The following FHAD1 variants were observed in gnomAD, a reference collection of about 807,000 sequenced individuals.
The protein encoded by FHAD1 is forkhead associated phosphopeptide binding domain 1, also known as forkhead-associated domain-containing protein 1.
In FHAD1, 146 loss-of-function variants were observed where a neutral mutation model predicts 191.3. The ratio of observed to expected loss-of-function variants is 0.76; its 90% CI spans 0.67 to 0.88. The LOEUF is 0.88. FHAD1 is among the 40% of genes least tolerant of loss of function. FHAD1 has a pLI of 0.00. For missense variants in FHAD1, 1,635 were observed against 1,785.8 expected, an observed-to-expected ratio of 0.92 and a Z score of 1.52; for synonymous variants, 616 against 672.3, an observed-to-expected ratio of 0.92 and a Z score of 1.29.
downstream of FHAD1, among the ~76,000 whole-genome samples, chr1:15,400,439 A>G (rs1707067530): frequency 6.6e-6 from 1 of 152,188 alleles, no homozygotes; most frequent in African/African-American, 2.4e-5. Flanking sequence ...ATGGTTTAGA[A>G]TGGCCTCTTT....
At chr1:15,356,286 A>T (rs972670243) in intron 20 of FHAD1, among the ~76,000 whole-genome samples, 3 of 152,254 alleles carry the variant, frequency 2.0e-5, no homozygotes, top group Admixed American at 2.0e-4. Context: ...CAGGGAGGTG[A>T]AAGTTTCACT....
chr1:15,255,139 A>T (rs954528429), intron 2 of FHAD1, among the ~76,000 whole-genome samples: 2 of 105,326 alleles, frequency 1.9e-5, no homozygotes, highest in African/African-American at 6.6e-5. Context: ...CAGCTGTGAA[A>T]TTACCCAGCA....
At chr1:15,337,484 A>T (rs150913945) in intron 14 of FHAD1, among the ~76,000 whole-genome samples, 60 of 152,028 alleles carry the variant, frequency 3.9e-4, no homozygotes, top group African/African-American at 1.4e-3. Context: ...CCTGCCTCTC[A>T]CTCAGAGGAG....
Position 15,352,993 on chromosome 1 carries a change from C to A in FHAD1, c.2562+9C>A. On this transcript the variant is annotated intron_variant, in intron 20 of 33. Coordinates refer to ENST00000688493, the MANE Select transcript of FHAD1 (RefSeq NM_001391957.1). ...TAACCAAGCAGAAAGAGGTATGAGC[C>A]GCAGGGAGGGAGAGACGAGAGGGGC... 6.5e-7 allele frequency: 1 copy of A among 1,543,374 alleles called. No homozygotes were observed. The highest frequency in any genetic ancestry group is 8.8e-7 in the Non-Finnish European group (1 of 1,139,976).
intron 2 of FHAD1, among the ~76,000 whole-genome samples, chr1:15,264,228 T>C (rs1015535914): frequency 3.3e-5 from 5 of 152,216 alleles, no homozygotes; most frequent in Admixed American, 6.5e-5. Flanking sequence ...TTGGGTAGTA[T>C]TGATGTTCTA....
At chr1:15,253,001 T>A (rs1032378697) in intron 2 of FHAD1, among the ~76,000 whole-genome samples, 2 of 152,222 alleles carry the variant, frequency 1.3e-5, no homozygotes, top group Non-Finnish European at 2.9e-5. Context: ...ATAGACTTTT[T>A]TAACCCTTCA....
Position 15,316,672 on chromosome 1 carries a change from G to A in FHAD1, c.1260+205G>A, listed in dbSNP as rs1244454014. On this transcript the variant is annotated intron_variant, in intron 9 of 33. Transcript: ENST00000688493. This position sits in a 1 kb window ranked among gnomAD's most constrained non-coding sequence, Gnocchi z 4.3. ...GGCCCCAGGATTCCCTGGGCAGTTG[G>A]CTCTAGCTCCCTCAAGGGTTTCCCC... Among the ~76,000 whole-genome samples, 14 of 152,184 alleles carry A rather than the reference G, an allele frequency of 9.2e-5. No homozygotes were observed. Among genetic ancestry groups the A allele is most frequent in the Admixed American group, 9.2e-4 (14 of 15,286 alleles).
downstream of FHAD1, chr1:15,400,201 A>G (rs1335909588): frequency 6.6e-6 from 1 of 152,228 alleles, no homozygotes; most frequent in Non-Finnish European, 1.5e-5. Context: ...TTCTCTGAGA[A>G]TCACTGAGCT....
Position 15,360,494 on chromosome 1 carries a change from G to A in FHAD1, c.2753G>A (p.Arg918Gln), listed in dbSNP as rs137894128. The A allele has an allele frequency of 3.5e-4, 550 of 1,551,288 alleles. 2 individuals are homozygous for A. The African/African-American group carries it at 5.6e-3, about 16-fold the overall frequency. The change falls in exon 22 of 34, where the codon CGG (arginine) becomes CAG (glutamine). Residue 918 changes from arginine (R) to glutamine (Q), a missense_variant. By Grantham distance (43) the Arg-to-Gln change is conservative. Transcript: ENST00000688493. ...GTTTCCCAGATCATGGTGGAAGAGC[G>A]GCTAATCCTGCAGCAGAAGATGGTA... Reference protein sequence around the residue: ...TKTKMIMVEERLILQQKMVKA... With the variant: ...TKTKMIMVEEQLILQQKMVKA...
intron 33 of FHAD1, among the ~76,000 whole-genome samples, chr1:15,393,963 G>A (rs1286319899): frequency 3.3e-5 from 5 of 152,130 alleles, no homozygotes; most frequent in Non-Finnish European, 4.4e-5. Context: ...GGAGTGGGCA[G>A]GGGGCTTCCT....
chr1:15,379,445 G>A (rs189880176), intron 28 of FHAD1, among the ~76,000 whole-genome samples: 136 of 152,278 alleles, frequency 8.9e-4, no homozygotes, highest in African/African-American at 3.0e-3. Flanking sequence ...ACGTACAATC[G>A]GGTTTTATAC....
chr1:15,263,497 G>T (rs1182062383), intron 2 of FHAD1, among the ~76,000 whole-genome samples: 4 of 143,622 alleles, frequency 2.8e-5, no homozygotes, highest in Non-Finnish European at 4.6e-5. Context: ...TAAGTTAAGG[G>T]TCCAGTTTTA....
In FHAD1 at chr1:15,276,750, G is replaced by A. The variant is rs531405838; in HGVS notation, c.300+4221G>A. 4.6e-4 allele frequency among the ~76,000 whole-genome samples: 70 copies of A among 151,508 alleles called. No homozygotes were observed. Among genetic ancestry groups the A allele is most frequent in the South Asian group, 1.0e-3 (5 of 4,802 alleles). Reference sequence around the variant, plus strand: ...CCGGGAGGCAGAGGTTGCAATGAGCGAAGATCATGCCACAGCCTGGGCAAC... The same window carrying A: ...CCGGGAGGCAGAGGTTGCAATGAGCAAAGATCATGCCACAGCCTGGGCAAC... On this transcript the variant is annotated intron_variant, in intron 3 of 33. Coordinates refer to ENST00000688493, the MANE Select transcript of FHAD1 (RefSeq NM_001391957.1). The surrounding 1 kb of genome is among the most constrained non-coding windows in gnomAD (Gnocchi z 4.7).
At chr1:15,301,924 G>A (rs1668932789) in intron 6 of FHAD1, among the ~76,000 whole-genome samples, 1 of 152,196 alleles carries the variant, frequency 6.6e-6, no homozygotes, top group Non-Finnish European at 1.5e-5. Flanking sequence ...CTACTTGGGA[G>A]GCCGAGGCTG....
At chr1:15,257,891 G>T (rs1218516833) in intron 2 of FHAD1, among the ~76,000 whole-genome samples, 1 of 152,192 alleles carries the variant, frequency 6.6e-6, no homozygotes, top group Non-Finnish European at 1.5e-5. Context: ...ACCCAGGCTG[G>T]AGTGCGGTGG....
chr1:15,344,760 G>A (rs1483405534), intron 16 of FHAD1, among the ~76,000 whole-genome samples: 2 of 152,232 alleles, frequency 1.3e-5, no homozygotes, highest in African/African-American at 2.4e-5. Context: ...ACTGTGCCAA[G>A]CATTTCGTGT....
intron 2 of FHAD1, among the ~76,000 whole-genome samples, chr1:15,265,470 G>A (rs1279802486): frequency 2.0e-5 from 3 of 152,150 alleles, no homozygotes; most frequent in Non-Finnish European, 4.4e-5. Context: ...ATACAGGAGG[G>A]AGTGGTATTA....
At chr1:15,266,787 C>A (rs1653721058) in intron 2 of FHAD1, among the ~76,000 whole-genome samples, 1 of 152,158 alleles carries the variant, frequency 6.6e-6, no homozygotes, top group South Asian at 2.1e-4. Flanking sequence ...AACCACAAAT[C>A]TTTCTATAGT....
rs1256186530 is a variant in FHAD1, at chr1:15,369,373, T to G, written c.3318T>G (p.Ala1106=). Reference sequence around the variant, plus strand: ...ATCCTCCTCTTCTCTACCCTAGGGCTTCCCAAGAGAAACACAGACTCCAGC... The same window carrying G: ...ATCCTCCTCTTCTCTACCCTAGGGCGTCCCAAGAGAAACACAGACTCCAGC... The part of the protein sequence containing the change: ...ELKALEEALR[A]SQEKHRLQLN... Residue 1106 remains alanine, a synonymous_variant, in exon 26 of 34, where the codon GCT becomes GCG. Transcript: ENST00000688493. 1.3e-6 allele frequency: 2 copies of G among 1,552,018 alleles called. No homozygotes were observed. The highest frequency in any genetic ancestry group is 1.2e-5 in the South Asian group (1 of 84,058).
Sources: allele counts gnomAD v4.1 joint callset (sites outside exome capture counted in the v4.1 genomes callset), GRCh38; gene constraint gnomAD v4.1.1; non-coding constraint Gnocchi (gnomAD v3.1); transcripts MANE v1.5; gene names NCBI Gene and HGNC (gene_info 2026-07-23, HGNC 2026-07-21).